The following TBXAS1 variants were observed in gnomAD, a reference collection of about 807,000 sequenced individuals.
TBXAS1 encodes thromboxane-A synthase.
In TBXAS1, 48 loss-of-function variants were observed where a neutral mutation model predicts 60.7. That is an observed-to-expected ratio of 0.79 (90% CI 0.63 to 1.01). The LOEUF (loss-of-function observed/expected upper bound fraction) is 1.01, where lower values mean the gene tolerates loss of function less well. TBXAS1 is among the 50% of genes least tolerant of loss of function. The pLI is 0.00. For missense variants in TBXAS1, 685 were observed against 686.3 expected (o/e 1.00, Z 0.02); for synonymous variants, 287 against 269.7 (o/e 1.06, Z -0.63).
At chr7:139,957,855 G>A (rs970217173) in intron 8 of TBXAS1, 91 bp downstream of exon 8, 18 of 1,564,620 alleles carry the variant, frequency 1.2e-5, no homozygotes, top group Admixed American at 3.5e-5. Flanking sequence ...TCTCAGCCCC[G>A]CACATCACAC....
intron 1 of TBXAS1, among the ~76,000 whole-genome samples, chr7:139,861,652 G>A (rs1030952702): frequency 2.0e-5 from 3 of 152,080 alleles, no homozygotes; most frequent in African/African-American, 7.2e-5. Context: ...TACCAAACAT[G>A]GTATCATGAA....
intron 12 of TBXAS1, among the ~76,000 whole-genome samples, 172 bp downstream of exon 12, chr7:140,018,005 GATA>G (rs2116476714): frequency 6.6e-6 from 1 of 152,326 alleles, no homozygotes; most frequent in East Asian, 1.9e-4. Context: ...AAGTGGGGGT[GATA>G]ATAATAACAC....
intron 9 of TBXAS1, among the ~76,000 whole-genome samples, chr7:139,984,685 GAAAGAAAGAAGAAAGAA>G (rs1812256908): frequency 1.2e-5 from 1 of 85,976 alleles, no homozygotes; most frequent in African/African-American, 4.3e-5. Context: ...AAAAGAAGAA[GAAAGAAAGAAGAAAGAA>G]AAAGAAAGAG....
intron 3 of TBXAS1, among the ~76,000 whole-genome samples, chr7:139,902,804 A>G (rs1423364996): frequency 6.6e-6 from 1 of 152,166 alleles, no homozygotes; most frequent in Non-Finnish European, 1.5e-5. Flanking sequence ...CCTTTCTGAT[A>G]GATGTGAAAT....
chr7:139,789,557 T>C (rs926800876), intron 4 of TBXAS1: 6 of 151,942 alleles, frequency 3.9e-5, no homozygotes, highest in African/African-American at 1.5e-4. Flanking sequence ...TTTAATCTTT[T>C]TATTAGTGAG....
At chr7:139,801,013 T>C (rs1324534183) in intron 4 of TBXAS1, among the ~76,000 whole-genome samples, 1 of 152,224 alleles carries the variant, frequency 6.6e-6, no homozygotes, top group African/African-American at 2.4e-5. Flanking sequence ...CCAGAATAAT[T>C]TCAGAAACAG....
chr7:139,893,909 C>G (rs1803866520), intron 3 of TBXAS1, among the ~76,000 whole-genome samples: 1 of 152,140 alleles, frequency 6.6e-6, no homozygotes, highest in African/African-American at 2.4e-5. Context: ...TATTTTTCCC[C>G]CTTGCTGCCC....
chr7:139,935,077 G>A (rs1414773998), intron 4 of TBXAS1, among the ~76,000 whole-genome samples: 4 of 152,188 alleles, frequency 2.6e-5, no homozygotes, highest in African/African-American at 7.2e-5. Flanking sequence ...GCCTCCCAGC[G>A]TGCTGGGATT....
chr7:139,949,181 T>C (rs1808997233), intron 5 of TBXAS1, among the ~76,000 whole-genome samples: 1 of 152,244 alleles, frequency 6.6e-6, no homozygotes, highest in Non-Finnish European at 1.5e-5. Flanking sequence ...GGATTCAGAA[T>C]GGGTGGCCCC....
chr7:139,858,300 G>A (rs1170205174), intron 1 of TBXAS1, among the ~76,000 whole-genome samples: 1 of 152,118 alleles, frequency 6.6e-6, no homozygotes, highest in East Asian at 1.9e-4. Context: ...TTTTTCTGGG[G>A]ATGGGTCCTT....
At chr7:139,833,349 A>G (rs1261274840) in intron 1 of TBXAS1, among the ~76,000 whole-genome samples, 2 of 151,592 alleles carry the variant, frequency 1.3e-5, no homozygotes, top group African/African-American at 4.8e-5. Flanking sequence ...AGCTATTCTC[A>G]TATCAGACAA....
chr7:140,015,008 A>T (rs572904489), intron 10 of TBXAS1, among the ~76,000 whole-genome samples: 4 of 152,288 alleles, frequency 2.6e-5, no homozygotes, highest in African/African-American at 9.6e-5. Flanking sequence ...TAAACGATAC[A>T]TGGGTATCTA....
At chr7:139,938,380 TC>T (rs574671125) in intron 5 of TBXAS1, among the ~76,000 whole-genome samples, 9 of 152,020 alleles carry the variant, frequency 5.9e-5, no homozygotes, top group Non-Finnish European at 1.3e-4. Flanking sequence ...TTTTTCAGGC[TC>T]CCCAGGTGAT....
intron 9 of TBXAS1, among the ~76,000 whole-genome samples, chr7:139,970,564 C>T (rs1302695332): frequency 6.6e-6 from 1 of 152,210 alleles, no homozygotes; most frequent in Admixed American, 6.5e-5. Context: ...ATTTAATGTG[C>T]TCATGTTCTT....
intron 4 of TBXAS1, among the ~76,000 whole-genome samples, chr7:139,791,605 G>C (rs1217806598): frequency 6.6e-6 from 1 of 152,190 alleles, no homozygotes; most frequent in Non-Finnish European, 1.5e-5. Context: ...TTAAGTTTCA[G>C]AGTATGTTGT....
At chr7:139,794,702 C>T (rs1398745626) in intron 4 of TBXAS1, among the ~76,000 whole-genome samples, 1 of 127,500 alleles carries the variant, frequency 7.8e-6, no homozygotes, top group East Asian at 2.5e-4. Flanking sequence ...GTGTGATATT[C>T]CCCTTCCTGT....
At chr7:139,958,328 G>A (rs1810041920) in intron 8 of TBXAS1, among the ~76,000 whole-genome samples, 1 of 152,120 alleles carries the variant, frequency 6.6e-6, no homozygotes, top group East Asian at 1.9e-4. Context: ...TTTCCTCCTT[G>A]CAGATTTGCA....
At position 139,852,945 on chromosome 7, in the gene TBXAS1, C is replaced by T. The variant is rs1393262717; in HGVS notation, c.90-19290C>T. 1.5e-3 allele frequency among the ~76,000 whole-genome samples: 57 copies of T among 39,074 alleles called. No homozygotes were observed. The African/African-American group carries it at 0.016, about 11-fold the overall frequency. The allele number at this position is 39,074 out of a possible 152,430, so 25.6% of individuals were successfully genotyped here. The stretch of plus-strand genomic sequence containing the variant: ...CCTTGGCTACTCCAATACACACACA[C>T]ACACACACACACACACACACACACA... On this transcript the variant is annotated intron_variant, in intron 1 of 12. Transcript: ENST00000448866. The surrounding 1 kb of genome is among the most constrained non-coding windows in gnomAD (Gnocchi z 4.4).
chr7:139,953,287 C>T, intron 5 of TBXAS1, 81 bp from the exon 6 acceptor site: 1 of 1,134,332 alleles, frequency 8.8e-7, no homozygotes, highest in Non-Finnish European at 1.3e-6. Context: ...GAAAGCACTA[C>T]ATATAACCTC....
Sources: allele counts gnomAD v4.1 joint callset (sites outside exome capture counted in the v4.1 genomes callset), GRCh38; gene constraint gnomAD v4.1.1; non-coding constraint Gnocchi (gnomAD v3.1); transcripts MANE v1.5; gene names NCBI Gene and HGNC (gene_info 2026-07-23, HGNC 2026-07-21).